The following ITPK1 variants were observed in gnomAD, a reference collection of about 807,000 sequenced individuals.
ITPK1 encodes inositol 1,3,4-trisphosphate 5/6-kinase.
A neutral mutation model predicts 45.3 loss-of-function variants in ITPK1; 21 were observed. The observed-to-expected ratio is 0.46, with a 90% CI of 0.33 to 0.67. ITPK1 has a LOEUF of 0.67. Among genes scored for constraint, ITPK1 ranks in the 30% least tolerant of loss-of-function variants. The probability of loss-of-function intolerance (pLI) is 0.02; values close to 1 mark genes in which losing one functional copy is unlikely to be tolerated. For missense variants in ITPK1, 474 were observed against 573.5 expected (o/e 0.83, Z 1.77); for synonymous variants, 258 against 253.6 (o/e 1.02, Z -0.16).
At chr14:92,972,893 T>G (rs534044459) in intron 5 of ITPK1, among the ~76,000 whole-genome samples, 28 of 152,286 alleles carry the variant, frequency 1.8e-4, no homozygotes, top group African/African-American at 6.0e-4. Context: ...GCCCAACTCT[T>G]CTCTGACCGC....
At chr14:93,059,802 G>C (rs1178019817) in intron 3 of ITPK1, among the ~76,000 whole-genome samples, 13 of 117,942 alleles carry the variant, frequency 1.1e-4, no homozygotes, top group Admixed American at 1.1e-3. Flanking sequence ...GGGGTGGAGG[G>C]GGTGGGGGTC....
At chr14:93,044,403 T>C (rs1246439484) in intron 3 of ITPK1, among the ~76,000 whole-genome samples, 1 of 152,164 alleles carries the variant, frequency 6.6e-6, no homozygotes. Context: ...ATGAATAAGT[T>C]TGTGCTGGCG....
At chr14:93,030,798 T>A (rs1889005435) in intron 3 of ITPK1, among the ~76,000 whole-genome samples, 1 of 152,238 alleles carries the variant, frequency 6.6e-6, no homozygotes, top group Admixed American at 6.5e-5. Context: ...TCTTTGCAGA[T>A]GACCTTTGTT....
chr14:93,061,402 G>C (rs899742036), intron 3 of ITPK1, among the ~76,000 whole-genome samples: 1 of 152,140 alleles, frequency 6.6e-6, no homozygotes, highest in African/African-American at 2.4e-5. Context: ...CCTCTCCCTG[G>C]GGTGAGGAAC....
Position 93,076,684 on chromosome 14 carries a change from T to C in ITPK1, c.96-65A>G. 1 of 1,605,746 alleles carries C rather than the reference T, an allele frequency of 6.2e-7. No homozygotes were observed. The highest frequency in any genetic ancestry group is 1.7e-5 in the Admixed American group (1 of 59,980). ...GGCTGGACACGTCCTTTCCGAAGGT[T>C]CCCGACAGCCGGCTGAGGGCAGGAC... On this transcript the variant is annotated intron_variant, in intron 2 of 10. Transcript: ENST00000267615. This position sits in a 1 kb window ranked among gnomAD's most constrained non-coding sequence, Gnocchi z 4.3.
At chr14:93,102,790 T>C (rs1892370588) in intron 2 of ITPK1, among the ~76,000 whole-genome samples, 1 of 151,930 alleles carries the variant, frequency 6.6e-6, no homozygotes. Context: ...ACCCTGTCTC[T>C]ACAACAACGG....
At chr14:93,026,547 G>A (rs17128747) in intron 3 of ITPK1, among the ~76,000 whole-genome samples, 2,713 of 152,268 alleles carry the variant, frequency 0.018, 71 homozygotes, top group African/African-American at 0.062. Flanking sequence ...CCGTCTCGAC[G>A]GCAGCAAGTT....
chr14:93,087,618 C>CTGCT (rs1891699947), intron 2 of ITPK1, among the ~76,000 whole-genome samples: 2 of 152,356 alleles, frequency 1.3e-5, no homozygotes, highest in African/African-American at 4.8e-5. Flanking sequence ...GGATTAGAAC[C>CTGCT]TGCTGTCTTT....
intron 3 of ITPK1, chr14:93,068,581 T>A (rs1275065011): frequency 1.3e-5 from 2 of 152,198 alleles, no homozygotes; most frequent in Non-Finnish European, 2.9e-5. Flanking sequence ...AGGAAGGATG[T>A]TCACAGGTGT....
At chr14:93,015,796 A>G (rs1048911904) in intron 4 of ITPK1, among the ~76,000 whole-genome samples, 4 of 152,220 alleles carry the variant, frequency 2.6e-5, no homozygotes, top group African/African-American at 9.6e-5. Flanking sequence ...CTGACCCCGA[A>G]CACACGGGGA....
Position 92,963,599 on chromosome 14 carries a change from C to T in ITPK1, c.365-750G>A, listed in dbSNP as rs922239721. 2.0e-4 allele frequency among the ~76,000 whole-genome samples: 30 copies of T among 152,358 alleles called. 1 individual carries two copies. Among genetic ancestry groups the T allele is most frequent in the African/African-American group, 6.7e-4 (28 of 41,584 alleles). ...CCTGGTCCCCCTGCCAATTCCTCCTCGCCCTTCACAGCTTGGCATTCCTGG... is the reference window on the plus strand; with the variant it reads ...CCTGGTCCCCCTGCCAATTCCTCCTTGCCCTTCACAGCTTGGCATTCCTGG... On this transcript the variant is annotated intron_variant, in intron 5 of 10. Transcript: ENST00000267615.
At chr14:93,098,456 CAA>C (rs35436506) in intron 2 of ITPK1, among the ~76,000 whole-genome samples, 39,825 of 141,180 alleles carry the variant, frequency 0.28, 6,178 homozygotes, top group African/African-American at 0.45. Flanking sequence ...GATTCCGTCT[CAA>C]AAAAAAAAAA....
intron 5 of ITPK1, among the ~76,000 whole-genome samples, chr14:92,964,049 T>A (rs1460261060): frequency 6.6e-6 from 1 of 152,254 alleles, no homozygotes; most frequent in Non-Finnish European, 1.5e-5. Context: ...GCCTCATTTA[T>A]GTCATAAAAA....
chr14:92,946,625 G>T, intron 9 of ITPK1, 132 bp from the exon 10 acceptor site: 1 of 905,836 alleles, frequency 1.1e-6, no homozygotes, highest in Non-Finnish European at 1.7e-6. Context: ...CAGACCTACT[G>T]TGGTGAGCAC....
intron 3 of ITPK1, among the ~76,000 whole-genome samples, chr14:93,039,479 C>A (rs1285808730): frequency 6.6e-6 from 1 of 151,622 alleles, no homozygotes; most frequent in Admixed American, 6.6e-5. Flanking sequence ...CCCTTGTCTA[C>A]AAAAAAAAAT....
chr14:92,992,630 G>C (rs959048000), intron 5 of ITPK1, among the ~76,000 whole-genome samples: 3 of 152,202 alleles, frequency 2.0e-5, no homozygotes, highest in Non-Finnish European at 4.4e-5. Context: ...CTCAGAGAGG[G>C]AACCGAGGAC....
chr14:92,947,487 C>T (rs558838377), intron 9 of ITPK1, among the ~76,000 whole-genome samples: 10 of 152,348 alleles, frequency 6.6e-5, no homozygotes, highest in South Asian at 6.2e-4. Context: ...GTCAGAGAGA[C>T]GTGGGTTCCA....
At chr14:92,945,900 C>G (rs1294867365) in intron 10 of ITPK1, among the ~76,000 whole-genome samples, 2 of 152,196 alleles carry the variant, frequency 1.3e-5, no homozygotes, top group East Asian at 3.8e-4. Context: ...GCCTGGGAGT[C>G]TCTGGCCTGC....
chr14:92,983,170 C>T (rs1301756172), intron 5 of ITPK1, among the ~76,000 whole-genome samples: 2 of 152,174 alleles, frequency 1.3e-5, no homozygotes, highest in South Asian at 2.1e-4. Flanking sequence ...GGCATTTCTG[C>T]GCCCGATGTC....
Sources: allele counts gnomAD v4.1 joint callset (sites outside exome capture counted in the v4.1 genomes callset), GRCh38; gene constraint gnomAD v4.1.1; non-coding constraint Gnocchi (gnomAD v3.1); transcripts MANE v1.5; gene names NCBI Gene and HGNC (gene_info 2026-07-23, HGNC 2026-07-21).